Variants in CLYBL observed in about 807,000 individuals in gnomAD.
CLYBL encodes citramalyl-CoA lyase, mitochondrial.
Under a neutral mutation model 38.9 loss-of-function variants are expected in CLYBL, and 31 were observed. The ratio of observed to expected loss-of-function variants is 0.80; its 90% CI spans 0.60 to 1.08. The LOEUF (loss-of-function observed/expected upper bound fraction) is 1.08, where lower values mean the gene tolerates loss of function less well. CLYBL is among the 50% of genes least tolerant of loss of function. The probability of loss-of-function intolerance (pLI) is 0.00; values close to 1 mark genes in which losing one functional copy is unlikely to be tolerated. For synonymous variants in CLYBL, 171 were observed against 158.6 expected, an observed-to-expected ratio of 1.08 and a Z score of -0.59; for missense variants, 434 against 411.6, an observed-to-expected ratio of 1.05 and a Z score of -0.47.
chr13:99,794,028 T>C (rs1161937907), intron 2 of CLYBL, among the ~76,000 whole-genome samples: 1 of 152,214 alleles, frequency 6.6e-6, no homozygotes, highest in Non-Finnish European at 1.5e-5. Flanking sequence ...TTATTCCAAA[T>C]ATAGCTACTA....
At chr13:99,888,568 G>A (rs1430984831) in intron 7 of CLYBL, among the ~76,000 whole-genome samples, 2 of 152,034 alleles carry the variant, frequency 1.3e-5, no homozygotes, top group African/African-American at 4.8e-5. Context: ...TGGACAACAT[G>A]GTGAAACCCA....
At chr13:99,609,267 C>G (rs1397438236) in intron 1 of CLYBL, among the ~76,000 whole-genome samples, 1 of 148,752 alleles carries the variant, frequency 6.7e-6, no homozygotes, top group Non-Finnish European at 1.5e-5. Flanking sequence ...ACCTCTGACT[C>G]CCGGGTTCAA....
At chr13:99,713,261 G>A (rs2048261493) in intron 1 of CLYBL, among the ~76,000 whole-genome samples, 1 of 151,214 alleles carries the variant, frequency 6.6e-6, no homozygotes, top group Admixed American at 6.6e-5. Context: ...AATTATGTAG[G>A]TGTTCCATAG....
At chr13:99,715,942 A>C (rs937594311) in intron 1 of CLYBL, among the ~76,000 whole-genome samples, 8 of 152,020 alleles carry the variant, frequency 5.3e-5, no homozygotes, top group Non-Finnish European at 7.4e-5. Context: ...TCCCCTCTTC[A>C]TTGTGGGTTT....
At chr13:99,814,801 C>T (rs2050411467) in intron 2 of CLYBL, among the ~76,000 whole-genome samples, 1 of 151,384 alleles carries the variant, frequency 6.6e-6, no homozygotes, top group South Asian at 2.1e-4. Flanking sequence ...GAGGCTGAGG[C>T]AGGAGGATTG....
At chr13:99,614,853 G>A (rs1278764153) in intron 1 of CLYBL, among the ~76,000 whole-genome samples, 1 of 152,134 alleles carries the variant, frequency 6.6e-6, no homozygotes, top group South Asian at 2.1e-4. Context: ...GGATCCAGAG[G>A]GAAGTTGAGG....
At chr13:99,673,392 G>A (rs1258463542) in intron 1 of CLYBL, among the ~76,000 whole-genome samples, 9 of 144,696 alleles carry the variant, frequency 6.2e-5, no homozygotes, top group African/African-American at 1.8e-4. Flanking sequence ...TAGCCTGGGC[G>A]ACAGAGCGAG....
intron 1 of CLYBL, among the ~76,000 whole-genome samples, chr13:99,650,236 C>T (rs1010534669): frequency 6.6e-6 from 1 of 151,782 alleles, no homozygotes; most frequent in Admixed American, 6.6e-5. Context: ...GCACTCCAGC[C>T]TGGGCGACAG....
At chr13:99,731,607 A>G (rs1045899570) in intron 1 of CLYBL, among the ~76,000 whole-genome samples, 19 of 152,152 alleles carry the variant, frequency 1.2e-4, no homozygotes, top group Non-Finnish European at 2.9e-5. Flanking sequence ...AAGCTGTGCT[A>G]GATGATAAAG....
At chr13:99,694,925 G>A (rs1396848375) in intron 1 of CLYBL, among the ~76,000 whole-genome samples, 1 of 152,034 alleles carries the variant, frequency 6.6e-6, no homozygotes, top group African/African-American at 2.4e-5. Flanking sequence ...CTCCTCAGTG[G>A]GGAAGTGATT....
intron 1 of CLYBL, among the ~76,000 whole-genome samples, chr13:99,743,346 T>C (rs1182234667): frequency 6.6e-6 from 1 of 152,200 alleles, no homozygotes; most frequent in East Asian, 1.9e-4. Flanking sequence ...AGGAGAACAC[T>C]TAGTCCCTTT....
intron 1 of CLYBL, among the ~76,000 whole-genome samples, chr13:99,757,473 G>A (rs1318165650): frequency 6.6e-6 from 1 of 151,820 alleles, no homozygotes; most frequent in Admixed American, 6.6e-5. Context: ...TATTTATTTC[G>A]AGATGGAGTT....
chr13:99,781,168 AT>A, intron 2 of CLYBL, among the ~76,000 whole-genome samples: 1 of 109,722 alleles, frequency 9.1e-6, no homozygotes, highest in East Asian at 2.1e-4. Flanking sequence ...ATTTATTTTT[AT>A]TTATTTATTT....
chr13:99,746,889 C>T (rs565601245), intron 1 of CLYBL, among the ~76,000 whole-genome samples: 8 of 152,304 alleles, frequency 5.3e-5, no homozygotes, highest in Non-Finnish European at 7.3e-5. Context: ...TATTAATGAA[C>T]AACATCCTTT....
intron 1 of CLYBL, among the ~76,000 whole-genome samples, chr13:99,708,372 C>A (rs2048177922): frequency 6.6e-6 from 1 of 152,164 alleles, no homozygotes; most frequent in Admixed American, 6.6e-5. Context: ...TCATATACTT[C>A]ATTTATTCAC....
At chr13:99,742,482 A>G (rs2048773544) in intron 1 of CLYBL, among the ~76,000 whole-genome samples, 1 of 152,216 alleles carries the variant, frequency 6.6e-6, no homozygotes, top group Non-Finnish European at 1.5e-5. Context: ...TCTGTCAATG[A>G]TGGCTCTTCA....
At chr13:99,758,444 T>C (rs142362255) in intron 1 of CLYBL, among the ~76,000 whole-genome samples, 39 of 152,318 alleles carry the variant, frequency 2.6e-4, no homozygotes, top group African/African-American at 9.4e-4. Context: ...ATATTGACTA[T>C]CTAGAGGCCC....
Position 99,845,691 on chromosome 13 carries a change from G to A in CLYBL, c.250-13170G>A, listed in dbSNP as rs1433961421. ...TTGCTCCACGATACACATCTTCAGA[G>A]GAACTGTGGCACACCGCGACAGGCT... On this transcript the variant is annotated intron_variant, in intron 2 of 8. Coordinates refer to ENST00000339105, the MANE Select transcript of CLYBL (RefSeq NM_206808.5). Among the ~76,000 whole-genome samples, 6 of 152,180 alleles carry A rather than the reference G, an allele frequency of 3.9e-5. No individual in the cohort carries two copies. The South Asian group carries it at 8.3e-4, about 21-fold the overall frequency.
intron 1 of CLYBL, among the ~76,000 whole-genome samples, chr13:99,628,177 A>T (rs555592364): frequency 1.3e-5 from 2 of 152,292 alleles, no homozygotes; most frequent in Non-Finnish European, 2.9e-5. Flanking sequence ...GTGAAATTTA[A>T]TATTTTCCAC....
Sources: gnomAD v4.1 joint callset for allele counts (sites outside exome capture counted in the v4.1 genomes callset) on GRCh38, gnomAD v4.1.1 for gene constraint, MANE v1.5 for transcripts, NCBI Gene and HGNC (gene_info 2026-07-23, HGNC 2026-07-21) for gene names.